Variants in ACVR1B observed in about 807,000 individuals in gnomAD.
ACVR1B encodes activin receptor type-1B.
Under a neutral mutation model 55.6 loss-of-function variants are expected in ACVR1B, and 15 were observed. That is an observed-to-expected ratio of 0.27 (90% CI 0.18 to 0.42). The LOEUF (loss-of-function observed/expected upper bound fraction) is 0.42. Ranked by LOEUF, ACVR1B falls within the 10% of genes least tolerant of loss-of-function variation. The pLI is 1.00. For missense variants in ACVR1B, 359 were observed against 670.1 expected, an observed-to-expected ratio of 0.54 and a Z score of 5.13; for synonymous variants, 247 against 254.6, an observed-to-expected ratio of 0.97 and a Z score of 0.28.
At chr12:51,953,727 T>G (rs1941356801) in intron 1 of ACVR1B, among the ~76,000 whole-genome samples, 1 of 152,200 alleles carries the variant, frequency 6.6e-6, no homozygotes, top group Admixed American at 6.5e-5. Flanking sequence ...GTCATTTCCC[T>G]GCTGATTTGA....
Position 51,979,483 on chromosome 12 carries a change from AGG to A in ACVR1B, c.581-1485_581-1484del, listed in dbSNP as rs1301456470. Among the ~76,000 whole-genome samples the A allele has an allele frequency of 2.0e-3, 294 of 145,104 alleles. 1 individual carries two copies. The highest frequency in any genetic ancestry group is 3.6e-3 in the Non-Finnish European group (230 of 64,554). ...CACCATCTCAAAAAAAAAAAAAAAA[AGG>A]AGTCTTGAAGAATGAGTTGGAATTT... On this transcript the variant is annotated intron_variant, in intron 3 of 8. Transcript: ENST00000257963.
At chr12:51,990,315 T>TC (rs1325951756) in intron 7 of ACVR1B, among the ~76,000 whole-genome samples, 1 of 137,824 alleles carries the variant, frequency 7.3e-6, no homozygotes, top group East Asian at 2.1e-4. Context: ...TTTAGTGCTT[T>TC]TTTTTTTTTT....
intron 1 of ACVR1B, chr12:51,953,268 C>G (rs941441736): frequency 1.1e-6 from 1 of 870,820 alleles, no homozygotes; most frequent in South Asian, 5.3e-5. Flanking sequence ...ACCAGACAGT[C>G]AAGAAAAGAC....
In ACVR1B at chr12:51,973,863, G is replaced by A. The variant is rs752750171; in HGVS notation, c.92-1402G>A. Among the ~76,000 whole-genome samples, 4 of 152,162 alleles carry A rather than the reference G, an allele frequency of 2.6e-5. No homozygotes were observed. In the South Asian group the frequency reaches 6.2e-4, roughly 24 times the overall value. On this transcript the variant is annotated intron_variant, in intron 1 of 8. Coordinates refer to ENST00000257963, the MANE Select transcript of ACVR1B (RefSeq NM_004302.5). ...CCAGGGCTGCCTCCTTGGTTTCCTCGGGTGGGACTAGCAAGGAATCGGCTC... is the reference window on the plus strand; with the variant it reads ...CCAGGGCTGCCTCCTTGGTTTCCTCAGGTGGGACTAGCAAGGAATCGGCTC...
intron 1 of ACVR1B, among the ~76,000 whole-genome samples, chr12:51,962,326 AT>A (rs201036129): frequency 0.051 from 7,713 of 151,538 alleles, 217 homozygotes; most frequent in African/African-American, 0.077. Context: ...AGTCAGTTAT[AT>A]TTTTTTTCAT....
intron 3 of ACVR1B, 99 bp from the exon 4 acceptor site, chr12:51,980,870 C>T: frequency 3.1e-6 from 3 of 958,094 alleles, no homozygotes; most frequent in Non-Finnish European, 4.7e-6. Context: ...AGGATGAAGA[C>T]ACCATGTTAA....
Position 51,958,871 on chromosome 12 carries a change from C to T in ACVR1B, c.91+7037C>T, listed in dbSNP as rs370712941. On this transcript the variant is annotated intron_variant, in intron 1 of 8. Transcript: ENST00000257963. The stretch of plus-strand genomic sequence containing the variant: ...TTCCTAACAGGCCGTGGACCAGTAC[C>T]GGTCTGTGGCCCCAGGGGTTGGGGA... 3.6e-3 allele frequency among the ~76,000 whole-genome samples: 553 copies of T among 152,248 alleles called. 3 individuals carry two copies. Among genetic ancestry groups the T allele is most frequent in the African/African-American group, 0.013 (530 of 41,556 alleles).
At chr12:51,954,295 C>A (rs1170765122) in intron 1 of ACVR1B, among the ~76,000 whole-genome samples, 5 of 152,182 alleles carry the variant, frequency 3.3e-5, no homozygotes, top group Non-Finnish European at 7.4e-5. Flanking sequence ...TTAGAAATAG[C>A]ATCCGTTTGA....
At chr12:51,988,693 G>C (rs934872352) in intron 7 of ACVR1B, among the ~76,000 whole-genome samples, 3 of 152,196 alleles carry the variant, frequency 2.0e-5, no homozygotes, top group African/African-American at 7.2e-5. Flanking sequence ...ATGAGTCACA[G>C]AGAAGTTAGG....
At position 51,975,609 on chromosome 12, in the gene ACVR1B, A is replaced by G. The variant is rs991679931; in HGVS notation, c.331+105A>G. 3 of 1,433,776 alleles carry G rather than the reference A, an allele frequency of 2.1e-6. No homozygotes were observed. The African/African-American group carries it at 4.3e-5, about 20-fold the overall frequency. The allele number at this position is 1,433,776 out of a possible 1,614,324, so 88.8% of individuals were successfully genotyped here. A position where few individuals can be genotyped will look rare whatever the true frequency, so the allele number is the denominator to read the frequency against. ...CCACTCACTTGGTTTGACGATAAAGATGCCTTTTGGATGTTCCCGAAGGTG... is the reference window on the plus strand; with the variant it reads ...CCACTCACTTGGTTTGACGATAAAGGTGCCTTTTGGATGTTCCCGAAGGTG... On this transcript the variant is annotated intron_variant, in intron 2 of 8. Coordinates refer to ENST00000257963, the MANE Select transcript of ACVR1B (RefSeq NM_004302.5).
At chr12:51,985,721 A>G (rs1333941005) in intron 6 of ACVR1B, among the ~76,000 whole-genome samples, 1 of 152,186 alleles carries the variant, frequency 6.6e-6, no homozygotes, top group African/African-American at 2.4e-5. Context: ...GGCAGGGAGC[A>G]TGTGCTTAGG....
intron 1 of ACVR1B, among the ~76,000 whole-genome samples, chr12:51,962,411 T>C (rs542342643): frequency 6.6e-6 from 1 of 152,336 alleles, no homozygotes; most frequent in Non-Finnish European, 1.5e-5. Context: ...CCTGTAAAAT[T>C]TGACTTTATT....
chr12:51,963,944 C>T (rs1406101103), intron 1 of ACVR1B, among the ~76,000 whole-genome samples: 4 of 152,196 alleles, frequency 2.6e-5, no homozygotes, highest in Non-Finnish European at 5.9e-5. Flanking sequence ...TCTTCACCAA[C>T]ACTTATTAAA....
Sources: gnomAD v4.1 joint callset for allele counts (sites outside exome capture counted in the v4.1 genomes callset) on GRCh38, gnomAD v4.1.1 for gene constraint, MANE v1.5 for transcripts, NCBI Gene and HGNC (gene_info 2026-07-23, HGNC 2026-07-21) for gene names.